Variants in GARIN5B observed in about 807,000 individuals in gnomAD.
GARIN5B encodes the protein Golgi-associated RAB2 interactor protein 5B.
At chr19:55,362,300 G>A in the GARIN5B span, 46 of 1,549,388 alleles carry the variant, frequency 3.0e-5, no homozygotes, top group African/African-American at 2.3e-4. Context: ...CAGGGGGGCC[G>A]TGCGCGTGGT....
the GARIN5B span, among the ~76,000 whole-genome samples, chr19:55,360,480 G>A: frequency 1.2e-4 from 16 of 133,896 alleles, no homozygotes; most frequent in African/African-American, 4.3e-4. Context: ...AGATCTAGGA[G>A]TCCAGGCCCC....
chr19:55,361,076 C>G, the GARIN5B span: 2 of 1,551,176 alleles, frequency 1.3e-6, no homozygotes, highest in Non-Finnish European at 8.7e-7. Context: ...TCGCCCACGG[C>G]CTGAGACTTG....
At chr19:55,361,243 G>A in the GARIN5B span, 18 of 1,550,722 alleles carry the variant, frequency 1.2e-5, 1 homozygote, top group South Asian at 1.9e-4. Context: ...CCCTGACTGG[G>A]AAGAGAGGAG....
At chr19:55,362,091 G>A in the GARIN5B span, among the ~76,000 whole-genome samples, 7 of 148,714 alleles carry the variant, frequency 4.7e-5, no homozygotes, top group Non-Finnish European at 8.9e-5. Context: ...CTCCTCCCTC[G>A]ACTCAGGGGT....
the GARIN5B span, chr19:55,359,400 G>C: frequency 6.5e-7 from 1 of 1,549,986 alleles, no homozygotes; most frequent in Non-Finnish European, 8.7e-7. Context: ...GAGGCCTTTC[G>C]GGGAGAAGCT....
At chr19:55,360,067 T>C in the GARIN5B span, 2 of 1,332,744 alleles carry the variant, frequency 1.5e-6, no homozygotes, top group Admixed American at 2.8e-5. Flanking sequence ...CCCTCCTCCC[T>C]CAGACTCAGG....
chr19:55,363,201 C>CCCGAGTCT, the GARIN5B span: 2 of 956,122 alleles, frequency 2.1e-6, no homozygotes, highest in Non-Finnish European at 2.9e-6. This position sits in a 1 kb window ranked among gnomAD's most constrained non-coding sequence, Gnocchi z 4.0. Context: ...CGTGGAGATG[C>CCCGAGTCT]CCCAGGCTGG....
chr19:55,355,012 G>T, the GARIN5B span: 1 of 233,624 alleles, frequency 4.3e-6, no homozygotes, highest in Middle Eastern at 6.5e-4. Context: ...CCATAGTTCT[G>T]GTATCTACCA....
the GARIN5B span, chr19:55,355,241 C>T: frequency 1.6e-6 from 2 of 1,277,530 alleles, no homozygotes; most frequent in South Asian, 1.3e-5. Flanking sequence ...AGGCAGATCT[C>T]CAGGGTCTTA....
the GARIN5B span, chr19:55,363,049 G>A: frequency 6.7e-7 from 1 of 1,498,550 alleles, no homozygotes; most frequent in Non-Finnish European, 8.9e-7. This position sits in a 1 kb window ranked among gnomAD's most constrained non-coding sequence, Gnocchi z 4.0. Flanking sequence ...GGCACCTCCT[G>A]TTTCGAAGCC....
chr19:55,358,641 C>A, the GARIN5B span: 8 of 1,551,198 alleles, frequency 5.2e-6, no homozygotes, highest in Non-Finnish European at 6.1e-6. Context: ...GACAGCTGGC[C>A]GGGGCGGGAG....
At chr19:55,359,688 G>A in the GARIN5B span, 2 of 1,551,408 alleles carry the variant, frequency 1.3e-6, no homozygotes, top group Non-Finnish European at 1.7e-6. Flanking sequence ...GGTGGCCCCG[G>A]CCCCTGGTGG....
the GARIN5B span, chr19:55,359,562 A>T: frequency 1.7e-5 from 27 of 1,551,158 alleles, 1 homozygote; most frequent in Non-Finnish European, 2.2e-5. Flanking sequence ...GGAGGAGCCA[A>T]TCCAGGTGGG....
the GARIN5B span, chr19:55,358,924 C>T: frequency 3.9e-6 from 6 of 1,551,090 alleles, no homozygotes; most frequent in East Asian, 9.8e-5. Context: ...CAAGCTTCGC[C>T]CAGTGGGCCC....
At chr19:55,360,648 C>T in the GARIN5B span, 14 of 1,544,174 alleles carry the variant, frequency 9.1e-6, no homozygotes, top group Non-Finnish European at 1.1e-5. Context: ...AGCCCCTCCT[C>T]CCTCAGCTCT....
At chr19:55,360,993 C>A in the GARIN5B span, 9 of 1,550,576 alleles carry the variant, frequency 5.8e-6, no homozygotes, top group African/African-American at 2.7e-5. Flanking sequence ...CAAGACCCCA[C>A]GCCCACTTCT....
At chr19:55,362,290 CA>C in the GARIN5B span, 8 of 1,548,778 alleles carry the variant, frequency 5.2e-6, no homozygotes, top group Non-Finnish European at 7.0e-6. Context: ...GCGGCATATC[CA>C]GGGGGGCCGT....
chr19:55,358,513 CTCCTTCATCTCGCCCCATGGCTG>C, the GARIN5B span: 25 of 30,120 alleles, frequency 8.3e-4, no homozygotes, highest in South Asian at 0.02. Context: ...CCCAGGGTGG[CTCCTTCATCTCGCCCCATGGCTG>C]CTCCTTCATC....
chr19:55,359,573 G>T, the GARIN5B span: 1 of 1,551,230 alleles, frequency 6.4e-7, no homozygotes, highest in Admixed American at 2.0e-5. Flanking sequence ...TCCAGGTGGG[G>T]GTTTCCACGA....
Sources: allele counts gnomAD v4.1 joint callset (sites outside exome capture counted in the v4.1 genomes callset), GRCh38; gene constraint gnomAD v4.1.1; non-coding constraint Gnocchi (gnomAD v3.1); transcripts MANE v1.5; gene names NCBI Gene and HGNC (gene_info 2026-07-23, HGNC 2026-07-21).